Variants in STON1 observed in about 807,000 individuals in gnomAD.
STON1 encodes stonin 1.
STON1 carries 79 observed loss-of-function variants against 60.9 expected under a neutral mutation model. The observed-to-expected ratio is 1.30, with a 90% CI of 1.08 to 1.56. The LOEUF (loss-of-function observed/expected upper bound fraction) is 1.56, where lower values mean the gene tolerates loss of function less well. Among genes scored for constraint, STON1 ranks in the 40% most tolerant of loss-of-function variants. STON1 has a pLI of 0.00. For synonymous variants in STON1, 363 were observed against 306.9 expected, an observed-to-expected ratio of 1.18 and a Z score of -1.91; for missense variants, 1,166 against 858.9, an observed-to-expected ratio of 1.36 and a Z score of -4.47.
At chr2:48,583,825 T>G (rs1222677972) in intron 2 of STON1, among the ~76,000 whole-genome samples, 1 of 151,636 alleles carries the variant, frequency 6.6e-6, no homozygotes, top group Admixed American at 6.6e-5. Context: ...AATCTCGGCT[T>G]ACTGCAACCT....
intron 1 of STON1, among the ~76,000 whole-genome samples, chr2:48,536,557 A>AG (rs1671439309): frequency 6.6e-6 from 1 of 151,896 alleles, no homozygotes; most frequent in Non-Finnish European, 1.5e-5. Context: ...TAAAAAAAAA[A>AG]AAAAAAAAAA....
At chr2:48,559,049 G>A (rs1260823388) in intron 1 of STON1, among the ~76,000 whole-genome samples, 1 of 145,158 alleles carries the variant, frequency 6.9e-6, no homozygotes, top group African/African-American at 2.5e-5. Context: ...GAGCTGGTAA[G>A]TATAATACAA....
At chr2:48,552,867 G>C (rs1333636621) in intron 1 of STON1, among the ~76,000 whole-genome samples, 1 of 152,208 alleles carries the variant, frequency 6.6e-6, no homozygotes, top group East Asian at 1.9e-4. Flanking sequence ...AACATGTAGA[G>C]GTTGAAAATC....
chr2:48,583,896 CG>C (rs1674049335), intron 2 of STON1, among the ~76,000 whole-genome samples: 1 of 151,830 alleles, frequency 6.6e-6, no homozygotes, highest in African/African-American at 2.4e-5. Flanking sequence ...GAACTACAGG[CG>C]CCCACCACCA....
chr2:48,537,402 C>G (rs1671471964), intron 1 of STON1, among the ~76,000 whole-genome samples: 1 of 152,016 alleles, frequency 6.6e-6, no homozygotes, highest in Non-Finnish European at 1.5e-5. Flanking sequence ...CTTGATATTA[C>G]ATTGTGATAA....
At chr2:48,577,940 C>T (rs72824120) in intron 1 of STON1, among the ~76,000 whole-genome samples, 1 of 150,208 alleles carries the variant, frequency 6.7e-6, no homozygotes, top group Non-Finnish European at 1.5e-5. Context: ...AAACAAAAAA[C>T]CCCCCAGAGT....
intron 2 of STON1, among the ~76,000 whole-genome samples, chr2:48,588,866 C>A (rs1253122124): frequency 5.3e-5 from 8 of 152,066 alleles, no homozygotes. Flanking sequence ...GCAGGTCTTT[C>A]ATTTTGCAAC....
intron 1 of STON1, among the ~76,000 whole-genome samples, chr2:48,551,217 G>A (rs566556519): frequency 1.1e-4 from 17 of 152,206 alleles, no homozygotes; most frequent in African/African-American, 3.4e-4. Flanking sequence ...GTGGAACATC[G>A]CAACAGGGAG....
intron 1 of STON1, among the ~76,000 whole-genome samples, chr2:48,556,245 G>A (rs1454218540): frequency 3.2e-5 from 1 of 30,800 alleles, no homozygotes; most frequent in Non-Finnish European, 7.3e-5. Flanking sequence ...CTCCCGGACG[G>A]GGCGGCTGGC....
intron 1 of STON1, among the ~76,000 whole-genome samples, chr2:48,551,400 T>C (rs1005597038): frequency 1.3e-5 from 2 of 152,206 alleles, no homozygotes; most frequent in African/African-American, 2.4e-5. Flanking sequence ...TTCCCTACTT[T>C]CCATGGCCTG....
In STON1 at chr2:48,541,148, C is replaced by T. The variant is rs1258227886; in HGVS notation, c.-48+10932C>T. ...GCAGATAGCTTGAGGTTGGGGAGTT[C>T]AAGACCAGCCTGGCCAACATGGTGA... is the stretch of plus-strand genomic sequence containing the variant. On this transcript the variant is annotated intron_variant, in intron 1 of 3. Coordinates refer to ENST00000404752, the MANE Select transcript of STON1 (RefSeq NM_006873.4). 6.7e-5 allele frequency among the ~76,000 whole-genome samples: 10 copies of T among 150,066 alleles called. No individual in the cohort carries two copies. In the South Asian group the frequency reaches 1.9e-3, roughly 29 times the overall value.
At chr2:48,557,043 C>T (rs1458104784) in intron 1 of STON1, among the ~76,000 whole-genome samples, 6 of 102,860 alleles carry the variant, frequency 5.8e-5, no homozygotes, top group South Asian at 4.2e-4. Context: ...ACCTCCCTCC[C>T]GGATGGGGCG....
At chr2:48,549,848 C>G (rs1672022719) in intron 1 of STON1, among the ~76,000 whole-genome samples, 1 of 147,214 alleles carries the variant, frequency 6.8e-6, no homozygotes, top group Non-Finnish European at 1.5e-5. Context: ...AAAGAAAAAG[C>G]AGCCTAGGTC....
chr2:48,578,357 G>A lies in STON1; in HGVS notation c.-47-2230G>A, dbSNP rs150154234. 4.0e-4 allele frequency among the ~76,000 whole-genome samples: 61 copies of A among 152,330 alleles called. No homozygotes were observed. In the East Asian group the frequency reaches 0.011, roughly 28 times the overall value. On this transcript the variant is annotated intron_variant, in intron 1 of 3. Transcript: ENST00000404752. ...ACGTGCAGCCCACAGGCTACATGTA[G>A]TCCAGGACGGCTTTGAATGCTGCCT... is the stretch of plus-strand genomic sequence containing the variant.
intron 2 of STON1, among the ~76,000 whole-genome samples, chr2:48,590,967 T>C (rs992578357): frequency 6.6e-6 from 1 of 152,158 alleles, no homozygotes; most frequent in Non-Finnish European, 1.5e-5. Context: ...TTTAAAATAA[T>C]GCGACTTAAT....
At chr2:48,592,175 A>G (rs892127098) in intron 3 of STON1, among the ~76,000 whole-genome samples, 1 of 152,202 alleles carries the variant, frequency 6.6e-6, no homozygotes, top group African/African-American at 2.4e-5. Context: ...GCTGCAGAAC[A>G]TGTGTCCCAT....
intron 1 of STON1, among the ~76,000 whole-genome samples, chr2:48,557,048 G>A (rs1393727081): frequency 8.6e-5 from 9 of 104,398 alleles, no homozygotes; most frequent in African/African-American, 3.2e-4. Flanking sequence ...CCTCCCGGAT[G>A]GGGCGGCTGG....
At chr2:48,587,442 A>C (rs1345602819) in intron 2 of STON1, among the ~76,000 whole-genome samples, 4 of 152,124 alleles carry the variant, frequency 2.6e-5, no homozygotes, top group African/African-American at 9.7e-5. Context: ...ACAGGTGCGC[A>C]CCACCACGCC....
At chr2:48,591,098 G>A (rs1207778918) in intron 2 of STON1, among the ~76,000 whole-genome samples, 1 of 151,656 alleles carries the variant, frequency 6.6e-6, no homozygotes, top group Non-Finnish European at 1.5e-5. Context: ...TGAGCACATT[G>A]TAGCCAAATA....
Sources: gnomAD v4.1 joint callset for allele counts (sites outside exome capture counted in the v4.1 genomes callset) on GRCh38, gnomAD v4.1.1 for gene constraint, MANE v1.5 for transcripts, NCBI Gene and HGNC (gene_info 2026-07-23, HGNC 2026-07-21) for gene names.